Variants in CCDC88C observed in about 807,000 individuals in gnomAD.
CCDC88C encodes coiled-coil and HOOK domain protein 88C.
In CCDC88C, 131 loss-of-function variants were observed where a neutral mutation model predicts 198.8. The observed-to-expected ratio is 0.66, with a 90% CI of 0.57 to 0.76. CCDC88C has a LOEUF of 0.76. Among genes scored for constraint, CCDC88C ranks in the 30% least tolerant of loss-of-function variants. The pLI, the probability that CCDC88C is intolerant of heterozygous loss-of-function variation, is 0.00. For synonymous variants in CCDC88C, 1,166 were observed against 1,114.7 expected, an observed-to-expected ratio of 1.05 and a Z score of -0.92; for missense variants, 2,553 against 2,631.6, an observed-to-expected ratio of 0.97 and a Z score of 0.65.
In CCDC88C at chr14:91,321,700, G is replaced by A. The variant is rs575274590; in HGVS notation, c.1343-396C>T. On this transcript the variant is annotated intron_variant, in intron 12 of 29. Transcript: ENST00000389857. The stretch of plus-strand genomic sequence containing the variant: ...CCCCCCAGAGCATAATGGACATCTC[G>A]GCTGCTCAGCAGGCAGGGGCACGTA... Among the ~76,000 whole-genome samples the A allele has an allele frequency of 3.9e-5, 6 of 152,242 alleles. No individual in the cohort carries two copies. In the South Asian group the frequency reaches 1.0e-3, roughly 26 times the overall value.
At chr14:91,281,412 A>G in intron 27 of CCDC88C, 45 bp downstream of exon 27, 1 of 1,613,210 alleles carries the variant, frequency 6.2e-7, no homozygotes, top group Non-Finnish European at 8.5e-7. Context: ...GATAAAAACC[A>G]GTCTGGAAAC....
intron 2 of CCDC88C, among the ~76,000 whole-genome samples, chr14:91,409,644 C>T (rs560733333): frequency 9.9e-5 from 15 of 151,658 alleles, no homozygotes; most frequent in South Asian, 4.2e-4. Flanking sequence ...CATGCCACCA[C>T]GCCCAGCTAA....
intron 10 of CCDC88C, among the ~76,000 whole-genome samples, chr14:91,333,405 T>C (rs1409977093): frequency 6.6e-6 from 1 of 152,262 alleles, no homozygotes; most frequent in African/African-American, 2.4e-5. Flanking sequence ...ATTACATTTT[T>C]TCCTAACAGA....
At chr14:91,355,109 CT>C (rs1157958770) in intron 4 of CCDC88C, among the ~76,000 whole-genome samples, 2 of 152,174 alleles carry the variant, frequency 1.3e-5, no homozygotes, top group African/African-American at 4.8e-5. Flanking sequence ...GGCTGCCATG[CT>C]GGGAGCAGAC....
intron 6 of CCDC88C, among the ~76,000 whole-genome samples, chr14:91,341,816 CCTCCA>C (rs999022166): frequency 1.3e-5 from 2 of 152,240 alleles, no homozygotes; most frequent in Non-Finnish European, 2.9e-5. Flanking sequence ...GGCTCCTCCT[CCTCCA>C]CTCCGCTGAC....
rs1221250111 is a variant in CCDC88C, at chr14:91,338,851, C to T, written c.810-281G>A. 8 of 501,120 alleles carry T rather than the reference C, an allele frequency of 1.6e-5. No homozygotes were observed. Among genetic ancestry groups the T allele is most frequent in the Admixed American group, 1.3e-4 (4 of 30,824 alleles). 31.0% of individuals were successfully genotyped at this position (501,120 alleles called of 1,614,324 possible). A position where few individuals can be genotyped will look rare whatever the true frequency, so the allele number is the denominator to read the frequency against. On this transcript the variant is annotated intron_variant, in intron 8 of 29. Transcript: ENST00000389857. The surrounding 1 kb of genome is among the most constrained non-coding windows in gnomAD (Gnocchi z 4.8). ...AAGGAGACCCCAGCGGCAGCTGTAC[C>T]ACCCCACAGCCAGGCTCCACAGGTG...
intron 2 of CCDC88C, among the ~76,000 whole-genome samples, chr14:91,412,528 G>T (rs1383765215): frequency 6.6e-6 from 1 of 151,788 alleles, no homozygotes; most frequent in Non-Finnish European, 1.5e-5. Flanking sequence ...TCTGCCTCCC[G>T]GGTTCATGCC....
At chr14:91,411,791 T>C (rs757279162) in intron 2 of CCDC88C, among the ~76,000 whole-genome samples, 84 of 152,174 alleles carry the variant, frequency 5.5e-4, no homozygotes, top group Admixed American at 7.9e-4. Flanking sequence ...GGTGAAACCC[T>C]GTCTCCACTA....
At chr14:91,280,129 C>T (rs534272766) in intron 27 of CCDC88C, among the ~76,000 whole-genome samples, 145 of 152,328 alleles carry the variant, frequency 9.5e-4, no homozygotes, top group African/African-American at 3.4e-3. Context: ...CGAGAGCAAA[C>T]ATGTCTACGC....
intron 3 of CCDC88C, among the ~76,000 whole-genome samples, chr14:91,369,193 C>T (rs1178995006): frequency 6.6e-6 from 1 of 152,204 alleles, no homozygotes; most frequent in Non-Finnish European, 1.5e-5. Flanking sequence ...CGCCCCAAAC[C>T]TTCAATAACG....
rs1893874144 is a variant in CCDC88C at position 91,352,803 on chromosome 14, C to CCAGGGGCAGGACTGGGAGGGCCG, written c.340+6816_340+6838dup. On this transcript the variant is annotated intron_variant, in intron 4 of 29. Coordinates refer to ENST00000389857, the MANE Select transcript of CCDC88C (RefSeq NM_001080414.4). The surrounding 1 kb of genome is among the most constrained non-coding windows in gnomAD (Gnocchi z 4.2). ...CACCACACGGTGAGCAGGCATGGAG[C>CCAGGGGCAGGACTGGGAGGGCCG]CAGGGGCAGGACTGGGAGGGCCGCA... Among the ~76,000 whole-genome samples, 2 of 152,202 alleles carry CCAGGGGCAGGACTGGGAGGGCCG rather than the reference C, an allele frequency of 1.3e-5. No individual in the cohort carries two copies. Among genetic ancestry groups the CCAGGGGCAGGACTGGGAGGGCCG allele is most frequent in the Non-Finnish European group, 1.5e-5 (1 of 68,040 alleles).
chr14:91,295,549 G>A (rs34721398), intron 22 of CCDC88C, among the ~76,000 whole-genome samples: 3,033 of 152,302 alleles, frequency 0.02, 64 homozygotes, highest in East Asian at 0.09. Context: ...CCACCCTTCA[G>A]CCCAAGTCCA....
In CCDC88C at chr14:91,381,144, C is replaced by T. The variant is rs75273080; in HGVS notation, c.271-21433G>A. Among the ~76,000 whole-genome samples, 187 of 152,294 alleles carry T rather than the reference C, an allele frequency of 1.2e-3. 2 individuals carry two copies. In the East Asian group the frequency reaches 0.025, roughly 21 times the overall value. On this transcript the variant is annotated intron_variant, in intron 3 of 29. Coordinates refer to ENST00000389857, the MANE Select transcript of CCDC88C (RefSeq NM_001080414.4). The surrounding 1 kb of genome is among the most constrained non-coding windows in gnomAD (Gnocchi z 4.2). The stretch of plus-strand genomic sequence containing the variant: ...AAAGGTTACCTCCATCACTCAGGGG[C>T]TCCCAGAGAAGCACCTGTGGGTGGG...
At chr14:91,373,965 T>C (rs1021015505) in intron 3 of CCDC88C, among the ~76,000 whole-genome samples, 3 of 152,150 alleles carry the variant, frequency 2.0e-5, no homozygotes, top group Admixed American at 2.0e-4. Context: ...CCCAGGCCCC[T>C]CTCTCGTGTC....
chr14:91,330,410 G>A (rs1892769136), intron 10 of CCDC88C, among the ~76,000 whole-genome samples: 1 of 152,206 alleles, frequency 6.6e-6, no homozygotes, highest in Non-Finnish European at 1.5e-5. Flanking sequence ...CAGGAGCCAT[G>A]GAGAGTGGCT....
At chr14:91,414,037 G>T (rs1303782692) in intron 2 of CCDC88C, among the ~76,000 whole-genome samples, 1 of 152,192 alleles carries the variant, frequency 6.6e-6, no homozygotes. Flanking sequence ...CAGTCTAAAT[G>T]CGGGGCTAGG....
At position 91,313,697 on chromosome 14, in the gene CCDC88C, G is replaced by C. The variant is rs1023881882; in HGVS notation, c.2119C>G (p.Leu707Val). ...GTCTCCACCAGCCTGCGCAGCTCCAGGTTCTCTGCGTCCAGCTGCTTGTTG... is the reference window on the plus strand; with the variant it reads ...GTCTCCACCAGCCTGCGCAGCTCCACGTTCTCTGCGTCCAGCTGCTTGTTG... ...RDNKQLDAEN[L>V]ELRRLVETMR... is the part of the protein sequence containing the mutation. Residue 707 changes from leucine (L) to valine (V), a missense_variant, in exon 15 of 30, where the codon CTG (leucine) becomes GTG (valine). Coordinates refer to ENST00000389857, the MANE Select transcript of CCDC88C (RefSeq NM_001080414.4). This position sits in a 1 kb window ranked among gnomAD's most constrained non-coding sequence, Gnocchi z 5.2. The C allele has an allele frequency of 1.2e-6, 2 of 1,611,264 alleles. No individual in the cohort carries two copies. Among genetic ancestry groups the C allele is most frequent in the East Asian group, 2.2e-5 (1 of 44,868 alleles).
At chr14:91,401,543 G>T (rs1886205884) in intron 3 of CCDC88C, among the ~76,000 whole-genome samples, 1 of 151,608 alleles carries the variant, frequency 6.6e-6, no homozygotes, top group Non-Finnish European at 1.5e-5. Context: ...CACCATGTTA[G>T]CCAGGATGGT....
intron 29 of CCDC88C, among the ~76,000 whole-genome samples, chr14:91,277,012 C>T (rs1889995811): frequency 1.3e-5 from 2 of 152,126 alleles, no homozygotes; most frequent in African/African-American, 4.8e-5. Flanking sequence ...CTCTGTCGCT[C>T]AAGATGGAGT....
Sources: gnomAD v4.1 joint callset for allele counts (sites outside exome capture counted in the v4.1 genomes callset) on GRCh38, gnomAD v4.1.1 for gene constraint, Gnocchi (gnomAD v3.1) non-coding constraint, MANE v1.5 for transcripts, NCBI Gene and HGNC (gene_info 2026-07-23, HGNC 2026-07-21) for gene names.